The following B3GALT1 variants were observed in gnomAD, a reference collection of about 807,000 sequenced individuals.
The protein encoded by B3GALT1 is UDP-Gal:betaGlcNAc beta 1,3-galactosyltransferase, polypeptide 1.
Under a neutral mutation model 23.2 loss-of-function variants are expected in B3GALT1, and 10 were observed. That is an observed-to-expected ratio of 0.43 (90% confidence interval 0.27 to 0.73). The LOEUF is 0.73. B3GALT1 is among the 30% of genes least tolerant of loss of function. The pLI, the probability that B3GALT1 is intolerant of heterozygous loss-of-function variation, is 0.21. For synonymous variants in B3GALT1, 156 were observed against 141.5 expected, an observed-to-expected ratio of 1.10 and a Z score of -0.73; for missense variants, 299 against 405.4, an observed-to-expected ratio of 0.74 and a Z score of 2.25.
At chr2:167,625,353 T>A (rs1685322910) in intron 2 of B3GALT1, among the ~76,000 whole-genome samples, 1 of 151,894 alleles carries the variant, frequency 6.6e-6, no homozygotes, top group Admixed American at 6.6e-5. Context: ...TTCAGTACTT[T>A]GATAACAGCT....
intron 3 of B3GALT1, among the ~76,000 whole-genome samples, chr2:167,704,136 G>C (rs993135741): frequency 2.5e-4 from 33 of 133,506 alleles, no homozygotes; most frequent in African/African-American, 8.6e-4. Context: ...AGCCGAGATC[G>C]CACCACTGCA....
intron 2 of B3GALT1, among the ~76,000 whole-genome samples, chr2:167,494,909 C>A (rs1412047739): frequency 6.6e-6 from 1 of 152,082 alleles, no homozygotes; most frequent in Non-Finnish European, 1.5e-5. Context: ...GCCCTGGTAT[C>A]TGATTTCTTT....
At chr2:167,448,843 T>C (rs1000449669) in intron 1 of B3GALT1, among the ~76,000 whole-genome samples, 1 of 152,200 alleles carries the variant, frequency 6.6e-6, no homozygotes, top group Non-Finnish European at 1.5e-5. Context: ...CAGGACCATT[T>C]GTTGAATAGG....
At chr2:167,402,539 A>G (rs144749412) in intron 1 of B3GALT1, among the ~76,000 whole-genome samples, 1 of 152,306 alleles carries the variant, frequency 6.6e-6, no homozygotes, top group East Asian at 1.9e-4. Context: ...CTTATTGTGC[A>G]CTAGGTACTT....
At chr2:167,442,456 T>G (rs1412359210) in intron 1 of B3GALT1, among the ~76,000 whole-genome samples, 4 of 152,130 alleles carry the variant, frequency 2.6e-5, no homozygotes, top group East Asian at 1.9e-4. Flanking sequence ...ATCGCCACAC[T>G]GACTTCCACA....
At chr2:167,599,014 T>C (rs1003760685) in intron 2 of B3GALT1, among the ~76,000 whole-genome samples, 2 of 152,174 alleles carry the variant, frequency 1.3e-5, no homozygotes, top group Non-Finnish European at 2.9e-5. Flanking sequence ...ATATTAGATA[T>C]AGAGAGATCA....
At chr2:167,732,909 G>A (rs1687430629) in intron 3 of B3GALT1, among the ~76,000 whole-genome samples, 2 of 152,164 alleles carry the variant, frequency 1.3e-5, no homozygotes, top group South Asian at 4.1e-4. Context: ...TGTCAGGGAT[G>A]GTGCAAACTC....
At chr2:167,482,648 T>C (rs1699575655) in intron 1 of B3GALT1, among the ~76,000 whole-genome samples, 1 of 152,146 alleles carries the variant, frequency 6.6e-6, no homozygotes. Flanking sequence ...AGCATAAACC[T>C]GACCAACACA....
At chr2:167,862,570 T>A (rs147912151) in intron 4 of B3GALT1, 126 of 152,336 alleles carry the variant, frequency 8.3e-4, no homozygotes, top group African/African-American at 3.0e-3. Context: ...TTTCAGCAGC[T>A]ATCTGGGCAC....
intron 1 of B3GALT1, among the ~76,000 whole-genome samples, chr2:167,295,145 C>G (rs1696329045): frequency 6.6e-6 from 1 of 152,114 alleles, no homozygotes; most frequent in South Asian, 2.1e-4. Flanking sequence ...AGGATGGTCT[C>G]ATGGTTTTCA....
At chr2:167,653,819 T>C (rs1685907049) in intron 3 of B3GALT1, among the ~76,000 whole-genome samples, 1 of 152,084 alleles carries the variant, frequency 6.6e-6, no homozygotes, top group African/African-American at 2.4e-5. Flanking sequence ...CTGGTGGGAG[T>C]TCACTGGTTG....
At chr2:167,345,621 G>A (rs1367203908) in intron 1 of B3GALT1, among the ~76,000 whole-genome samples, 1 of 152,184 alleles carries the variant, frequency 6.6e-6, no homozygotes, top group Non-Finnish European at 1.5e-5. Flanking sequence ...AGCCAGGCGT[G>A]TTCATTATCC....
chr2:167,630,631 CA>C (rs142682826), intron 2 of B3GALT1, among the ~76,000 whole-genome samples: 52 of 137,838 alleles, frequency 3.8e-4, no homozygotes, highest in Middle Eastern at 3.7e-3. Context: ...AATTATTCAG[CA>C]AAAAAAAAAG....
At chr2:167,521,566 T>C (rs957480376) in intron 2 of B3GALT1, among the ~76,000 whole-genome samples, 12 of 152,146 alleles carry the variant, frequency 7.9e-5, no homozygotes, top group African/African-American at 1.7e-4. Flanking sequence ...TAATTTTTCA[T>C]TGGTTCTTTA....
At chr2:167,535,727 C>T (rs543898981) in intron 2 of B3GALT1, among the ~76,000 whole-genome samples, 5 of 151,732 alleles carry the variant, frequency 3.3e-5, no homozygotes, top group Non-Finnish European at 7.4e-5. Flanking sequence ...AAGTTTTCTT[C>T]TGTATTAAAA....
At position 167,704,025 on chromosome 2, in the gene B3GALT1, C is replaced by CA. The variant is rs540851741; in HGVS notation, c.-352+57065dup. ...TGAAACCCCGTCTCTACTAAAAATACAAAAAATTAGCCGGGTGTGGTATCA... is the reference window on the plus strand; with the variant it reads ...TGAAACCCCGTCTCTACTAAAAATACAAAAAAATTAGCCGGGTGTGGTATCA... On this transcript the variant is annotated intron_variant, in intron 3 of 4. Transcript: ENST00000392690. Among the ~76,000 whole-genome samples, 7 of 151,802 alleles carry CA rather than the reference C, an allele frequency of 4.6e-5. No individual in the cohort carries two copies. The East Asian group carries it at 5.8e-4, about 13-fold the overall frequency.
chr2:167,335,671 T>C (rs942794581), intron 1 of B3GALT1, among the ~76,000 whole-genome samples: 5 of 152,212 alleles, frequency 3.3e-5, no homozygotes, highest in Non-Finnish European at 5.9e-5. Context: ...TAGGAGTGTC[T>C]CTTAGCATGC....
chr2:167,459,970 A>G (rs1471804824), intron 1 of B3GALT1, among the ~76,000 whole-genome samples: 1 of 152,036 alleles, frequency 6.6e-6, no homozygotes, highest in Non-Finnish European at 1.5e-5. Context: ...CTGGTGAGAA[A>G]TCTACCAAAA....
chr2:167,751,173 C>T (rs1342399315), intron 3 of B3GALT1, among the ~76,000 whole-genome samples: 1 of 152,192 alleles, frequency 6.6e-6, no homozygotes, highest in African/African-American at 2.4e-5. Context: ...TATCACTCCT[C>T]TGTGGATTAT....
Sources: allele counts gnomAD v4.1 joint callset (sites outside exome capture counted in the v4.1 genomes callset), GRCh38; gene constraint gnomAD v4.1.1; transcripts MANE v1.5; gene names NCBI Gene and HGNC (gene_info 2026-07-23, HGNC 2026-07-21).